Variants in CAPN12 observed in about 807,000 individuals in gnomAD.
CAPN12 encodes the protein calpain 12.
In CAPN12, 107 loss-of-function variants were observed where a neutral mutation model predicts 95.0. The ratio of observed to expected loss-of-function variants is 1.13; its 90% confidence interval spans 0.96 to 1.32. The LOEUF (loss-of-function observed/expected upper bound fraction) is 1.32. Ranked by LOEUF, CAPN12 falls within the 40% of genes most tolerant of loss-of-function variation. The probability of loss-of-function intolerance (pLI) is 0.00; values close to 1 mark genes in which losing one functional copy is unlikely to be tolerated. For missense variants in CAPN12, 1,136 were observed against 997.8 expected (o/e 1.14, Z -1.87); for synonymous variants, 505 against 415.5 (o/e 1.22, Z -2.62).
At chr19:38,734,598 G>A (rs112597821) in intron 15 of CAPN12, 6 of 650,890 alleles carry the variant, frequency 9.2e-6, no homozygotes, top group African/African-American at 7.3e-5. Flanking sequence ...AGGCAGCCTT[G>A]CCTTTCAGCG....
rs767971913 is a variant in CAPN12, at chr19:38,738,726, C to CA, written c.730-79dup. ...CTCCTCCCTGCCCCCAACCTCCTGC[C>CA]ACCAAGGCAGGAGCCAACCAGAGCA... On this transcript the variant is annotated intron_variant, in intron 5 of 20. Transcript: ENST00000328867. 6.2e-4 allele frequency: 865 copies of CA among 1,386,472 alleles called. 2 individuals carry two copies. Among genetic ancestry groups the CA allele is most frequent in the Non-Finnish European group, 8.4e-4 (826 of 979,294 alleles). The allele number at this position is 1,386,472 out of a possible 1,614,324, so 85.9% of individuals were successfully genotyped here. A position where few individuals can be genotyped will look rare whatever the true frequency, so the allele number is the denominator to read the frequency against.
chr19:38,732,252 G>T (rs1969678003), intron 18 of CAPN12, among the ~76,000 whole-genome samples: 1 of 152,158 alleles, frequency 6.6e-6, no homozygotes, highest in Non-Finnish European at 1.5e-5. Flanking sequence ...TCTATCTCCG[G>T]CCCAGCCTCT....
At chr19:38,734,750 C>G (rs984602252) in intron 15 of CAPN12, 63 bp downstream of exon 15, 1 of 1,501,704 alleles carries the variant, frequency 6.7e-7, no homozygotes, top group African/African-American at 1.4e-5. Context: ...AGGGTGGCAC[C>G]GGCTCTGGTT....
Position 38,735,218 on chromosome 19 carries a change from T to C in CAPN12, c.1686+152A>G, listed in dbSNP as rs45468197. ...CCAAGGCCCTGAGGCAGGGAGGAGC[T>C]GTGAGCATTTCAAGAAAAGGTCAGG... On this transcript the variant is annotated intron_variant, in intron 14 of 20. Coordinates refer to ENST00000328867, the MANE Select transcript of CAPN12 (RefSeq NM_144691.4). 0.17 allele frequency: 128,028 copies of C among 744,596 alleles called. 12,140 individuals carry two copies. The highest frequency in any genetic ancestry group is 0.3 in the Middle Eastern group (762 of 2,514). The allele number at this position is 744,596 out of a possible 1,614,324, so 46.1% of individuals were successfully genotyped here. A position where few individuals can be genotyped will look rare whatever the true frequency, so the allele number is the denominator to read the frequency against.
intron 17 of CAPN12, 31 bp downstream of exon 17, chr19:38,734,111 T>C (rs1268841836): frequency 1.2e-6 from 2 of 1,610,484 alleles, no homozygotes; most frequent in Admixed American, 3.4e-5. Context: ...GTTTCTCTCT[T>C]TCTGGGAAGA....
Position 38,730,450 on chromosome 19 carries a change from C to CTGATTGAT in CAPN12, c.*394_*401dup, listed in dbSNP as rs151276707. 4.9e-5 allele frequency: 10 copies of CTGATTGAT among 204,622 alleles called. No homozygotes were observed. The highest frequency in any genetic ancestry group is 2.1e-4 in the African/African-American group (9 of 42,444). 12.7% of individuals were successfully genotyped at this position (204,622 alleles called of 1,614,324 possible). The stretch of plus-strand genomic sequence containing the variant: ...CCTACCTTTTTTTTTTGAGTTTATT[C>CTGATTGAT]TGATTGATTTTTTTTCTTGGTTTCT... On this transcript the variant is annotated 3_prime_UTR_variant, in exon 21 of 21. Coordinates refer to ENST00000328867, the MANE Select transcript of CAPN12 (RefSeq NM_144691.4).
chr19:38,741,955 A>G lies in CAPN12; in HGVS notation c.427-45T>C, dbSNP rs758828862. 1.9e-6 allele frequency: 3 copies of G among 1,600,582 alleles called. No individual in the cohort carries two copies. In the Admixed American group the frequency reaches 5.1e-5, roughly 27 times the overall value. On this transcript the variant is annotated intron_variant, in intron 3 of 20. Coordinates refer to ENST00000328867, the MANE Select transcript of CAPN12 (RefSeq NM_144691.4). ...GGCCGGACTCGGCTTCCAACCTCCAACCCTGCCTGGGCCCTGCCTCTGCTG... is the reference window on the plus strand; with the variant it reads ...GGCCGGACTCGGCTTCCAACCTCCAGCCCTGCCTGGGCCCTGCCTCTGCTG...
chr19:38,731,457 C>G (rs1969604370), intron 18 of CAPN12: 1 of 573,792 alleles, frequency 1.7e-6, no homozygotes, highest in African/African-American at 1.9e-5. Flanking sequence ...AGACAGAACG[C>G]TCAGGACAGC....
Position 38,744,113 on chromosome 19 carries a change from C to A in CAPN12, c.53G>T (p.Gly18Val). 6.2e-7 allele frequency: 1 copy of A among 1,614,172 alleles called. No individual in the cohort carries two copies. The highest frequency in any genetic ancestry group is 8.5e-7 in the Non-Finnish European group (1 of 1,180,048). The change falls in exon 1 of 21, where the codon GGG becomes GTG. Residue 18 changes from glycine (G) to valine (V), a missense_variant. Coordinates refer to ENST00000328867, the MANE Select transcript of CAPN12 (RefSeq NM_144691.4). The stretch of plus-strand genomic sequence containing the variant: ...AAGCTGCAGGCGCCCGGCTCCGACC[C>A]CAGCCTCCTCATCCACGAGCTGGAT... ...VTIQLVDEEA[G>V]VGAGRLQLFR...
chr19:38,734,911 C>T (rs747149811), intron 14 of CAPN12, 41 bp from the exon 15 acceptor site: 7 of 1,600,128 alleles, frequency 4.4e-6, no homozygotes, highest in African/African-American at 2.7e-5. Flanking sequence ...TTTACTCATC[C>T]AGCTGCTCTG....
intron 5 of CAPN12, chr19:38,739,518 GAAGA>G (rs2145239938): frequency 6.8e-6 from 1 of 146,912 alleles, no homozygotes; most frequent in African/African-American, 2.5e-5. Context: ...GAAAGATACA[GAAGA>G]GAGAAACAGA....
chr19:38,737,746 C>G (rs1970304609), intron 8 of CAPN12, 108 bp from the exon 9 acceptor site: 2 of 1,354,406 alleles, frequency 1.5e-6, no homozygotes, highest in African/African-American at 3.0e-5. Context: ...TAAATATTGT[C>G]AAATACCCTT....
intron 18 of CAPN12, chr19:38,733,235 T>G (rs2145151806): frequency 6.5e-6 from 1 of 154,680 alleles, no homozygotes; most frequent in Non-Finnish European, 1.4e-5. Flanking sequence ...GGACCATAGG[T>G]GTGAGCCACC....
At chr19:38,735,092 T>G in intron 14 of CAPN12, 2 of 602,894 alleles carry the variant, frequency 3.3e-6, no homozygotes, top group Non-Finnish European at 5.8e-6. Context: ...AGGGGGGTGG[T>G]CAGGGAGAGC....
chr19:38,734,752 G>T, intron 15 of CAPN12, 61 bp downstream of exon 15: 1 of 1,511,632 alleles, frequency 6.6e-7, no homozygotes, highest in Non-Finnish European at 9.1e-7. Context: ...GGTGGCACCG[G>T]CTCTGGTTGC....
chr19:38,736,608 G>T (rs1486447413), intron 10 of CAPN12, 45 bp from the exon 11 acceptor site: 1 of 1,583,042 alleles, frequency 6.3e-7, no homozygotes, highest in Admixed American at 1.8e-5. Context: ...GGGAGAGGTG[G>T]CCGCCGCTCA....
rs548136270 is a variant in CAPN12, at chr19:38,738,992, C to T, written c.730-344G>A. The stretch of plus-strand genomic sequence containing the variant: ...ACAAAAATTTTAAAAATTCAACAGG[C>T]GTGGTGGTGCACACCAGTGGTCCCA... On this transcript the variant is annotated intron_variant, in intron 5 of 20. Coordinates refer to ENST00000328867, the MANE Select transcript of CAPN12 (RefSeq NM_144691.4). The T allele has an allele frequency of 9.5e-4, 339 of 355,768 alleles. 5 individuals are homozygous for T. Among genetic ancestry groups the T allele is most frequent in the South Asian group, 4.7e-3 (187 of 40,026 alleles). 22.0% of individuals were successfully genotyped at this position (355,768 alleles called of 1,614,324 possible).
chr19:38,737,193 C>A lies in CAPN12; in HGVS notation c.1325G>T (p.Gly442Val), dbSNP rs1970250716. Reference protein sequence around the residue: ...QRNRRRLRAKGLTYLTVGFHV... With the variant: ...QRNRRRLRAKVLTYLTVGFHV... ...GAAGCCAACGGTGAGGTAAGTGAGG[C>A]CCTTGGCTCTCAGGCGCCGCCGGTT... Residue 442 changes from glycine to valine, a missense_variant, in exon 10 of 21, where the codon GGC (glycine) becomes GTC (valine). Physicochemically the swap from Gly to Val is moderately radical, Grantham distance 109. Transcript: ENST00000328867. 2 of 1,548,564 alleles carry A rather than the reference C, an allele frequency of 1.3e-6. No individual in the cohort carries two copies. The highest frequency in any genetic ancestry group is 1.7e-6 in the Non-Finnish European group (2 of 1,147,542).
At chr19:38,742,850 CAAA>C (rs11406594) in intron 2 of CAPN12, among the ~76,000 whole-genome samples, 180 bp downstream of exon 2, 8 of 53,306 alleles carry the variant, frequency 1.5e-4, no homozygotes, top group Non-Finnish European at 2.1e-4. Flanking sequence ...GACCCCATCT[CAAA>C]AAAAAAAAAA....
Sources: allele counts gnomAD v4.1 joint callset (sites outside exome capture counted in the v4.1 genomes callset), GRCh38; gene constraint gnomAD v4.1.1; transcripts MANE v1.5; gene names NCBI Gene and HGNC (gene_info 2026-07-23, HGNC 2026-07-21).